Variants in CSMD1 observed in about 807,000 individuals in gnomAD.
The protein encoded by CSMD1 is CUB and sushi domain-containing protein 1.
CSMD1 carries 213 observed loss-of-function variants against 417.5 expected under a neutral mutation model. The ratio of observed to expected loss-of-function variants is 0.51; its 90% CI spans 0.46 to 0.57. The LOEUF is 0.57. CSMD1 is among the 20% of genes least tolerant of loss of function. CSMD1 has a pLI of 0.00. For synonymous variants in CSMD1, 2,862 were observed against 1,736.8 expected (o/e 1.65, Z -16.11); for missense variants, 6,923 against 4,529.7 (o/e 1.53, Z -15.17).
intron 1 of CSMD1, among the ~76,000 whole-genome samples, chr8:4,701,335 C>G (rs1241880337): frequency 6.8e-6 from 1 of 146,744 alleles, no homozygotes; most frequent in Non-Finnish European, 1.5e-5. Context: ...TTTTTTAACT[C>G]TGCTTAAGAA....
chr8:4,273,697 A>T (rs1473804275), intron 3 of CSMD1, among the ~76,000 whole-genome samples: 1 of 152,132 alleles, frequency 6.6e-6, no homozygotes, highest in Non-Finnish European at 1.5e-5. Context: ...ATGGTATTCG[A>T]ATATTCAGTT....
chr8:3,184,722 G>A (rs1316760216), intron 36 of CSMD1, among the ~76,000 whole-genome samples: 7 of 152,140 alleles, frequency 4.6e-5, no homozygotes, highest in Admixed American at 3.9e-4. Context: ...ATGGAGATGG[G>A]GAAATTTAAT....
chr8:3,484,211 T>C (rs2117257468), intron 11 of CSMD1, among the ~76,000 whole-genome samples: 1 of 152,294 alleles, frequency 6.6e-6, no homozygotes, highest in South Asian at 2.1e-4. Context: ...TAATTAGTAA[T>C]GTGTGGCATT....
At chr8:3,918,181 C>G (rs1345704269) in intron 5 of CSMD1, among the ~76,000 whole-genome samples, 3 of 151,968 alleles carry the variant, frequency 2.0e-5, no homozygotes, top group Admixed American at 1.3e-4. Context: ...TGTTCAAAAT[C>G]CTGATTTCAT....
At chr8:4,653,959 G>C (rs1003562719) in intron 1 of CSMD1, among the ~76,000 whole-genome samples, 1 of 151,944 alleles carries the variant, frequency 6.6e-6, no homozygotes. Flanking sequence ...TTTAGGATTG[G>C]ATTGGTTTCA....
At chr8:3,331,470 G>C (rs778490071) in intron 23 of CSMD1, among the ~76,000 whole-genome samples, 1 of 152,142 alleles carries the variant, frequency 6.6e-6, no homozygotes, top group African/African-American at 2.4e-5. Flanking sequence ...TTGAGCTTTG[G>C]ATTATACTAA....
chr8:3,086,341 C>G (rs1402518161), intron 49 of CSMD1, among the ~76,000 whole-genome samples: 2 of 152,034 alleles, frequency 1.3e-5, no homozygotes, highest in Non-Finnish European at 2.9e-5. Context: ...GCTGTCTGAT[C>G]AACTTCTTAC....
chr8:4,188,949 T>C (rs1798852637), intron 3 of CSMD1, among the ~76,000 whole-genome samples: 2 of 152,176 alleles, frequency 1.3e-5, no homozygotes, highest in South Asian at 4.1e-4. Context: ...TACTCAGATA[T>C]TAGAGCCCTG....
At chr8:3,068,170 C>A (rs919805647) in intron 49 of CSMD1, among the ~76,000 whole-genome samples, 1 of 152,054 alleles carries the variant, frequency 6.6e-6, no homozygotes. Flanking sequence ...TAGTTTTCAC[C>A]ATTTCTCTCT....
intron 3 of CSMD1, among the ~76,000 whole-genome samples, chr8:4,128,209 G>A (rs1043519045): frequency 3.3e-5 from 5 of 152,032 alleles, no homozygotes. Flanking sequence ...GAAAACAGCA[G>A]CTCCTCCTTG....
chr8:3,083,157 G>A (rs1585304260), intron 49 of CSMD1, among the ~76,000 whole-genome samples: 1 of 151,952 alleles, frequency 6.6e-6, no homozygotes, highest in East Asian at 1.9e-4. Flanking sequence ...CATAAACGGT[G>A]ACGATTCTTC....
At chr8:3,565,547 C>T (rs922636476) in intron 10 of CSMD1, among the ~76,000 whole-genome samples, 6 of 152,134 alleles carry the variant, frequency 3.9e-5, no homozygotes, top group Non-Finnish European at 7.4e-5. Flanking sequence ...TCTATGTTAA[C>T]CTTTTAATAC....
At chr8:3,402,769 C>T (rs1303762305) in intron 15 of CSMD1, among the ~76,000 whole-genome samples, 2 of 152,086 alleles carry the variant, frequency 1.3e-5, no homozygotes, top group Non-Finnish European at 2.9e-5. Flanking sequence ...ATTAACAACT[C>T]ACTCTTGCTT....
intron 1 of CSMD1, among the ~76,000 whole-genome samples, chr8:4,773,203 A>C (rs1382130320): frequency 6.6e-6 from 1 of 152,136 alleles, no homozygotes; most frequent in Non-Finnish European, 1.5e-5. Flanking sequence ...TTTCCTTTGA[A>C]TGACATGTCA....
Position 4,418,807 on chromosome 8 carries a change from C to G in CSMD1, c.415+1146G>C, listed in dbSNP as rs111928781. Among the ~76,000 whole-genome samples, 1,190 of 152,218 alleles carry G rather than the reference C, an allele frequency of 7.8e-3. 11 individuals carry two copies. Among genetic ancestry groups the G allele is most frequent in the African/African-American group, 0.027 (1,134 of 41,528 alleles). On this transcript the variant is annotated intron_variant, in intron 3 of 69. Transcript: ENST00000635120. The stretch of plus-strand genomic sequence containing the variant: ...TAACTTATTCCTTGATAGTAACGTA[C>G]TTAAAGGTGATAGACCCTTTCCAGC...
chr8:3,568,653 G>A (rs1015479793), intron 10 of CSMD1, among the ~76,000 whole-genome samples: 3 of 151,900 alleles, frequency 2.0e-5, no homozygotes, highest in Admixed American at 6.6e-5. Flanking sequence ...TTTTAACTTA[G>A]AACACACACC....
intron 3 of CSMD1, among the ~76,000 whole-genome samples, chr8:4,218,096 C>A (rs908455357): frequency 1.3e-5 from 2 of 152,142 alleles, no homozygotes; most frequent in African/African-American, 4.8e-5. Flanking sequence ...TGAATTTTTG[C>A]AATCGGACAT....
intron 12 of CSMD1, among the ~76,000 whole-genome samples, chr8:3,430,354 A>G (rs1013908869): frequency 3.3e-5 from 5 of 152,174 alleles, no homozygotes; most frequent in Non-Finnish European, 5.9e-5. Context: ...TAGATTTTAA[A>G]CTAGATTATA....
At chr8:4,193,466 T>G (rs961885700) in intron 3 of CSMD1, among the ~76,000 whole-genome samples, 2 of 152,122 alleles carry the variant, frequency 1.3e-5, no homozygotes. Context: ...TTTCCCTGGA[T>G]GGAATGATGG....
Sources: allele counts gnomAD v4.1 joint callset (sites outside exome capture counted in the v4.1 genomes callset), GRCh38; gene constraint gnomAD v4.1.1; transcripts MANE v1.5; gene names NCBI Gene and HGNC (gene_info 2026-07-23, HGNC 2026-07-21).